C1QBP: variants seen among roughly 807,000 people sequenced by gnomAD.
C1QBP encodes complement C1q binding protein, also known as complement component 1 Q subcomponent-binding protein, mitochondrial.
A neutral mutation model predicts 29.4 loss-of-function variants in C1QBP; 24 were observed. That is an observed-to-expected ratio of 0.82 (90% CI 0.59 to 1.15). The LOEUF (loss-of-function observed/expected upper bound fraction) is 1.15, where lower values mean the gene tolerates loss of function less well. Ranked by LOEUF, C1QBP falls within the 50% of genes most tolerant of loss-of-function variation. The pLI, the probability that C1QBP is intolerant of heterozygous loss-of-function variation, is 0.00. For missense variants in C1QBP, 337 were observed against 355.8 expected (o/e 0.95, Z 0.43); for synonymous variants, 182 against 149.2 (o/e 1.22, Z -1.60).
At chr17:5,435,027 G>A (rs917758371) in intron 2 of C1QBP, 61 bp from the exon 3 acceptor site, 45 of 1,386,718 alleles carry the variant, frequency 3.2e-5, no homozygotes, top group Non-Finnish European at 4.6e-5. Flanking sequence ...TAACCGAGCA[G>A]GTTAACACAT....
Position 5,432,840 on chromosome 17 carries a change from G to T in C1QBP, c.*175C>A. On this transcript the variant is annotated 3_prime_UTR_variant, in exon 6 of 6. Transcript: ENST00000225698. ...ACAAAAATCTAGAAATAATAGATTT[G>T]TACAGAAAAAAATGATAATAAATGA... The T allele has an allele frequency of 2.1e-6, 2 of 935,190 alleles. No individual in the cohort carries two copies. The highest frequency in any genetic ancestry group is 3.0e-6 in the Non-Finnish European group (2 of 658,080). 57.9% of individuals were successfully genotyped at this position (935,190 alleles called of 1,614,324 possible).
chr17:5,434,615 C>T, intron 3 of C1QBP: 1 of 269,266 alleles, frequency 3.7e-6, no homozygotes, highest in Non-Finnish European at 7.5e-6. Flanking sequence ...TTACAGGGAC[C>T]TGCCACCATG....
intron 2 of C1QBP, among the ~76,000 whole-genome samples, chr17:5,437,895 T>C (rs1035493657): frequency 2.0e-5 from 3 of 152,212 alleles, no homozygotes; most frequent in African/African-American, 7.2e-5. Context: ...TGCCAGTACT[T>C]TTTTGCACTA....
In C1QBP at chr17:5,432,995, G is replaced by A. The variant is rs1313042954; in HGVS notation, c.*20C>T. 2 of 1,601,282 alleles carry A rather than the reference G, an allele frequency of 1.2e-6. No homozygotes were observed. Among genetic ancestry groups the A allele is most frequent in the African/African-American group, 1.3e-5 (1 of 74,292 alleles). Reference sequence around the variant, plus strand: ...GGCCAAAGCCTGCCATGAAACTATGGCTTTCAGCATCTGTCTGCTCTACTG... The same window carrying A: ...GGCCAAAGCCTGCCATGAAACTATGACTTTCAGCATCTGTCTGCTCTACTG... On this transcript the variant is annotated 3_prime_UTR_variant, in exon 6 of 6. Transcript: ENST00000225698.
At chr17:5,437,094 T>G (rs1263837696) in intron 2 of C1QBP, among the ~76,000 whole-genome samples, 1 of 152,190 alleles carries the variant, frequency 6.6e-6, no homozygotes, top group Non-Finnish European at 1.5e-5. Flanking sequence ...GCTTAGTGAT[T>G]ACCTGGGGTG....
Position 5,439,124 on chromosome 17 carries a change from G to T in C1QBP, c.-51C>A. On this transcript the variant is annotated 5_prime_UTR_variant, in exon 1 of 6. Coordinates refer to ENST00000225698, the MANE Select transcript of C1QBP (RefSeq NM_001212.4). ...AGATGCAAAGGACAACCCAGGCCTA[G>T]GCGCCCCGCGACCTGAGGCGCCGCC... 1 of 1,533,820 alleles carries T rather than the reference G, an allele frequency of 6.5e-7. No individual in the cohort carries two copies. The highest frequency in any genetic ancestry group is 1.2e-5 in the South Asian group (1 of 83,450).
In C1QBP at chr17:5,433,777, C is replaced by T. The variant is rs1394745708; in HGVS notation, c.478-10G>A. 1 of 1,610,510 alleles carries T rather than the reference C, an allele frequency of 6.2e-7. No individual in the cohort carries two copies. On this transcript the variant is annotated splice_polypyrimidine_tract_variant and intron_variant, in intron 3 of 5. Transcript: ENST00000225698. ...TTGATGTCAGTTCAGGCTGGGGAAA[C>T]AAGAAGTCAATACATGCTGCTGCTG... is the stretch of plus-strand genomic sequence containing the variant.
At chr17:5,433,905 T>G in intron 3 of C1QBP, 138 bp from the exon 4 acceptor site, 4 of 747,656 alleles carry the variant, frequency 5.4e-6, no homozygotes, top group Non-Finnish European at 4.6e-6. Flanking sequence ...TGCCATACTA[T>G]TCCCAAATGA....
Position 5,433,391 on chromosome 17 carries a change from T to A in C1QBP, c.601A>T (p.Ser201Cys), listed in dbSNP as rs374091203. 3 of 1,613,980 alleles carry A rather than the reference T, an allele frequency of 1.9e-6. No homozygotes were observed. The highest frequency in any genetic ancestry group is 2.5e-6 in the Non-Finnish European group (3 of 1,180,032). The change falls in exon 5 of 6, where the codon AGT becomes TGT. Residue 201 changes from serine (S) to cysteine (C), a missense_variant. Ser to Cys is a moderately radical substitution (Grantham distance 112, BLOSUM62 -1). Transcript: ENST00000225698. Reference protein sequence around the residue: ...DEVGQEDEAESDIFSIREVSF... With the variant: ...DEVGQEDEAECDIFSIREVSF... ...ACTTCCCTGATAGAGAAGATGTCACTCTCAGCCTCGTCTTCTTGTCCAACC... is the reference window on the plus strand; with the variant it reads ...ACTTCCCTGATAGAGAAGATGTCACACTCAGCCTCGTCTTCTTGTCCAACC...
At chr17:5,435,095 C>T (rs761360589) in intron 2 of C1QBP, 129 bp from the exon 3 acceptor site, 5 of 810,278 alleles carry the variant, frequency 6.2e-6, no homozygotes, top group African/African-American at 1.7e-5. Flanking sequence ...TCTGTCCTAG[C>T]TGGCTGAATT....
chr17:5,435,523 CA>C (rs1916245676), intron 2 of C1QBP, among the ~76,000 whole-genome samples: 1 of 151,966 alleles, frequency 6.6e-6, no homozygotes, highest in Admixed American at 6.6e-5. Context: ...TCACAAAGAA[CA>C]AGGGCTGTAG....
Position 5,438,210 on chromosome 17 carries a change from T to C in C1QBP, c.296A>G (p.His99Arg). The C allele has an allele frequency of 2.5e-6, 4 of 1,614,174 alleles. No individual in the cohort carries two copies. The highest frequency in any genetic ancestry group is 3.4e-6 in the Non-Finnish European group (4 of 1,180,044). The stretch of plus-strand genomic sequence containing the variant: ...TCCAGACATCTTAGGGAGGGTTTTA[T>C]GCTTCTGAATTTTTCTTTCCTCCTT... ...EIKEERKIQK[H>R]KTLPKMSGGW... The change falls in exon 2 of 6, where the codon CAT becomes CGT. Residue 99 changes from histidine (H) to arginine (R), a missense_variant. Coordinates refer to ENST00000225698, the MANE Select transcript of C1QBP (RefSeq NM_001212.4).
chr17:5,434,825 C>A, intron 3 of C1QBP, 48 bp downstream of exon 3: 2 of 1,541,728 alleles, frequency 1.3e-6, no homozygotes, highest in Non-Finnish European at 1.8e-6. Flanking sequence ...AAGCCCCAGG[C>A]ACAGCCTGTC....
chr17:5,434,025 A>G (rs758707683), intron 3 of C1QBP: 8 of 521,394 alleles, frequency 1.5e-5, no homozygotes, highest in South Asian at 4.1e-5. Context: ...AACTGAGTTT[A>G]TATCAGTCCC....
chr17:5,436,791 G>A (rs1279922487), intron 2 of C1QBP, among the ~76,000 whole-genome samples: 3 of 152,144 alleles, frequency 2.0e-5, no homozygotes, highest in East Asian at 1.9e-4. Context: ...AGGCCAAGGC[G>A]GGCGGATCAC....
At chr17:5,436,974 T>C (rs1322972654) in intron 2 of C1QBP, among the ~76,000 whole-genome samples, 3 of 152,136 alleles carry the variant, frequency 2.0e-5, no homozygotes, top group Non-Finnish European at 4.4e-5. Flanking sequence ...ACCACTGCAC[T>C]CCATCCTGGG....
Position 5,438,120 on chromosome 17 carries a change from T to TA in C1QBP, c.383+2dup. 6.2e-7 allele frequency: 1 copy of TA among 1,612,098 alleles called. No homozygotes were observed. Among genetic ancestry groups the TA allele is most frequent in the Non-Finnish European group, 8.5e-7 (1 of 1,179,898 alleles). Reference sequence around the variant, plus strand: ...GCCCTGGGATCCCCAGACCAGTACTTACTTTTCCCCGGCAACTTTCCGCAC... The same window carrying TA: ...GCCCTGGGATCCCCAGACCAGTACTTAACTTTTCCCCGGCAACTTTCCGCAC... On this transcript the variant is annotated splice_region_variant and intron_variant, in intron 2 of 5. Transcript: ENST00000225698.
Position 5,437,996 on chromosome 17 carries a change from T to C in C1QBP, c.383+127A>G, listed in dbSNP as rs896607928. 5.5e-6 allele frequency: 7 copies of C among 1,283,540 alleles called. No homozygotes were observed. The African/African-American group carries it at 8.9e-5, about 16-fold the overall frequency. 79.5% of individuals were successfully genotyped at this position (1,283,540 alleles called of 1,614,324 possible). ...TTACGAAGTTGTCCAAATGAATCCT[T>C]CACTCTCTTGAAACCCATTTATCAA... On this transcript the variant is annotated intron_variant, in intron 2 of 5. Transcript: ENST00000225698.
Position 5,432,826 on chromosome 17 carries a change from G to C in C1QBP, c.*189C>G. ...GTCTATCATGTTATACAAAAATCTA[G>C]AAATAATAGATTTGTACAGAAAAAA... On this transcript the variant is annotated 3_prime_UTR_variant, in exon 6 of 6. Transcript: ENST00000225698. The C allele has an allele frequency of 1.1e-6, 1 of 887,260 alleles. No individual in the cohort carries two copies. The highest frequency in any genetic ancestry group is 1.6e-6 in the Non-Finnish European group (1 of 616,994). The allele number at this position is 887,260 out of a possible 1,614,324, so 55.0% of individuals were successfully genotyped here.
Sources: allele counts gnomAD v4.1 joint callset (sites outside exome capture counted in the v4.1 genomes callset), GRCh38; gene constraint gnomAD v4.1.1; transcripts MANE v1.5; gene names NCBI Gene and HGNC (gene_info 2026-07-23, HGNC 2026-07-21).